DNAH2: variants seen among roughly 807,000 people sequenced by gnomAD.
The protein encoded by DNAH2 is axonemal beta dynein heavy chain 2.
A neutral mutation model predicts 523.5 loss-of-function variants in DNAH2; 323 were observed. The observed-to-expected ratio is 0.62, with a 90% CI of 0.56 to 0.68. The LOEUF (loss-of-function observed/expected upper bound fraction) is 0.68. Ranked by LOEUF, DNAH2 falls within the 30% of genes least tolerant of loss-of-function variation. The pLI, the probability that DNAH2 is intolerant of heterozygous loss-of-function variation, is 0.00. For missense variants in DNAH2, 4,907 were observed against 5,701.5 expected (o/e 0.86, Z 4.49); for synonymous variants, 2,093 against 2,177.4 (o/e 0.96, Z 1.08).
chr17:7,817,877 G>GC, intron 67 of DNAH2, 21 bp downstream of exon 67: 1 of 1,609,952 alleles, frequency 6.2e-7, no homozygotes, highest in Non-Finnish European at 8.5e-7. Context: ...GGGGGGTCAG[G>GC]TTAGCCCCCC....
chr17:7,760,985 G>A lies in DNAH2; in HGVS notation c.2978+53G>A. On this transcript the variant is annotated intron_variant, in intron 18 of 85. Transcript: ENST00000572933. The surrounding 1 kb of genome is among the most constrained non-coding windows in gnomAD (Gnocchi z 4.0). ...TGTCTGTAGGAGGCACAGCACTGCA[G>A]GAGGAGCCCAGGCCTAGAGTCTTGG... The A allele has an allele frequency of 6.3e-7, 1 of 1,598,484 alleles. No individual in the cohort carries two copies. Among genetic ancestry groups the A allele is most frequent in the Non-Finnish European group, 8.5e-7 (1 of 1,171,344 alleles).
intron 46 of DNAH2, 52 bp from the exon 47 acceptor site, chr17:7,792,605 T>G (rs940385352): frequency 1.4e-6 from 2 of 1,470,226 alleles, no homozygotes; most frequent in Non-Finnish European, 1.9e-6. Context: ...AAGTGGGAGT[T>G]GGAAAGGAGT....
chr17:7,759,092 T>C lies in DNAH2; in HGVS notation c.2416T>C (p.Ser806Pro). The change falls in exon 15 of 86, where the codon TCC (serine) becomes CCC (proline). Residue 806 changes from serine to proline, a missense_variant. By Grantham distance (74) the Ser-to-Pro change is moderately conservative. Transcript: ENST00000572933. ...GGATGTGGTGACCATCATGACCAAC[T>C]CCTATGAGGTCTTCAAGAATGATGG... ...HQDVVTIMTNSYEVFKNDGPE... is the reference protein window; with the variant it reads ...HQDVVTIMTNPYEVFKNDGPE... 6.2e-7 allele frequency: 1 copy of C among 1,614,070 alleles called. No individual in the cohort carries two copies. The highest frequency in any genetic ancestry group is 8.5e-7 in the Non-Finnish European group (1 of 1,180,004).
chr17:7,726,735 C>T (rs1405526686), intron 3 of DNAH2, among the ~76,000 whole-genome samples: 2 of 152,158 alleles, frequency 1.3e-5, no homozygotes, highest in Non-Finnish European at 2.9e-5. Flanking sequence ...TCTCCCTTTT[C>T]CAGCTTGTGG....
intron 72 of DNAH2, 99 bp downstream of exon 72, chr17:7,819,507 C>T (rs977343530): frequency 7.7e-7 from 1 of 1,302,452 alleles, no homozygotes; most frequent in Non-Finnish European, 1.1e-6. Context: ...CGGCTCTCAG[C>T]CTGCCGCTGT....
At chr17:7,809,764 G>T (rs181681200) in intron 63 of DNAH2, among the ~76,000 whole-genome samples, 1 of 150,158 alleles carries the variant, frequency 6.7e-6, no homozygotes, top group East Asian at 1.9e-4. Context: ...TAAGTGAAAA[G>T]AGAAAGCAGA....
At chr17:7,795,825 T>C (rs2077046176) in intron 49 of DNAH2, among the ~76,000 whole-genome samples, 1 of 147,766 alleles carries the variant, frequency 6.8e-6, no homozygotes, top group Non-Finnish European at 1.5e-5. Context: ...GGAGAAACCC[T>C]GTCTCTACTA....
At chr17:7,803,087 G>A (rs1157070107) in intron 58 of DNAH2, among the ~76,000 whole-genome samples, 3 of 152,190 alleles carry the variant, frequency 2.0e-5, no homozygotes, top group Non-Finnish European at 4.4e-5. Flanking sequence ...CACCCAAGCA[G>A]TTCTCCAGGG....
rs954536084 is a variant in DNAH2, at chr17:7,779,263, T to C, written c.5562T>C (p.Phe1854=). Residue 1854 remains phenylalanine (F), a synonymous_variant, in exon 36 of 86, where the codon TTT becomes TTC. Coordinates refer to ENST00000572933, the MANE Select transcript of DNAH2 (RefSeq NM_020877.5). ...CGCAGACTGGAGCTTGGGGCTGCTT[T>C]GATGAGTTTAACCGCATCAACATCG... ...GLAQTGAWGC[F]DEFNRINIEV... 1 of 1,614,020 alleles carries C rather than the reference T, an allele frequency of 6.2e-7. No homozygotes were observed. Among genetic ancestry groups the C allele is most frequent in the African/African-American group, 1.3e-5 (1 of 74,948 alleles).
intron 3 of DNAH2, among the ~76,000 whole-genome samples, chr17:7,725,794 G>C (rs1026800671): frequency 4.7e-5 from 7 of 150,090 alleles, no homozygotes; most frequent in Non-Finnish European, 8.9e-5. Flanking sequence ...TATCTATGCA[G>C]GTCCTTTTGT....
rs375931465 is a variant in DNAH2 at position 7,770,947 on chromosome 17, G to T, written c.4362+14G>T. ...ATGTACTTAGAGGTCAGGACTCAGC[G>T]CCTGAGCTCTTCCTGCTTCCTGCTC... On this transcript the variant is annotated intron_variant, in intron 27 of 85. Coordinates refer to ENST00000572933, the MANE Select transcript of DNAH2 (RefSeq NM_020877.5). 1 of 1,610,060 alleles carries T rather than the reference G, an allele frequency of 6.2e-7. No individual in the cohort carries two copies. Among genetic ancestry groups the T allele is most frequent in the Admixed American group, 1.7e-5 (1 of 59,588 alleles).
intron 18 of DNAH2, 90 bp from the exon 19 acceptor site, chr17:7,763,740 TG>T: frequency 6.7e-7 from 1 of 1,494,224 alleles, no homozygotes. Flanking sequence ...CAGGTTTGGG[TG>T]GAAGGAAATG....
intron 3 of DNAH2, 61 bp downstream of exon 3, chr17:7,723,750 C>A: frequency 6.9e-7 from 1 of 1,441,142 alleles, no homozygotes; most frequent in Non-Finnish European, 9.8e-7. Context: ...ATCAAAGGAT[C>A]AGTTGTGGAT....
In DNAH2 at chr17:7,797,447, T is replaced by C. The variant is rs374725245; in HGVS notation, c.7997T>C (p.Met2666Thr). ...LVDAADTEAFMGIISDKLGSF... is the reference protein window; with the variant it reads ...LVDAADTEAFTGIISDKLGSF... ...GATGCGGCAGACACAGAAGCCTTCA[T>C]GGGCATCATAAGCGACAAGCTCGGC... is the stretch of plus-strand genomic sequence containing the variant. Residue 2666 changes from methionine to threonine, a missense_variant, in exon 52 of 86, where the codon ATG becomes ACG. This residue lies in a region of DNAH2 where 250 missense variants were observed against 371.3 expected (regional missense o/e 0.67). Coordinates refer to ENST00000572933, the MANE Select transcript of DNAH2 (RefSeq NM_020877.5). The C allele has an allele frequency of 5.0e-6, 8 of 1,614,194 alleles. No individual in the cohort carries two copies. In the African/African-American group the frequency reaches 6.7e-5, roughly 13 times the overall value.
chr17:7,781,268 A>T, intron 39 of DNAH2, 101 bp downstream of exon 39: 2 of 1,344,758 alleles, frequency 1.5e-6, no homozygotes, highest in Non-Finnish European at 2.1e-6. Context: ...TGAGTCCAGG[A>T]GTTTGAGACT....
rs2075160220 is a variant in DNAH2 at position 7,736,947 on chromosome 17, A to G, written c.979-120A>G. On this transcript the variant is annotated intron_variant, in intron 7 of 85. Transcript: ENST00000572933. ...CAGTGAGCTGAGATCGCGCCATTGC[A>G]CTCCAGCCCGGGTGACAAGAGTAAA... The G allele has an allele frequency of 6.5e-6, 6 of 917,792 alleles. No homozygotes were observed. In the East Asian group the frequency reaches 1.3e-4, roughly 21 times the overall value. 56.9% of individuals were successfully genotyped at this position (917,792 alleles called of 1,614,324 possible). A position where few individuals can be genotyped will look rare whatever the true frequency, so the allele number is the denominator to read the frequency against.
In DNAH2 at chr17:7,832,599, A is replaced by T; in HGVS notation, c.12747A>T (p.Pro4249=). 1 of 1,614,162 alleles carries T rather than the reference A, an allele frequency of 6.2e-7. No homozygotes were observed. The highest frequency in any genetic ancestry group is 2.2e-5 in the East Asian group (1 of 44,888). ...LWGKAYPSQK[P]LAAWTRDLAM... ...CCCAGGCATACCCCTCACAAAAGCC[A>T]TTGGCTGCCTGGACCCGGGACTTGG... is the stretch of plus-strand genomic sequence containing the variant. Residue 4249 remains proline (P), a synonymous_variant, in exon 83 of 86, where the codon CCA becomes CCT. Coordinates refer to ENST00000572933, the MANE Select transcript of DNAH2 (RefSeq NM_020877.5). The surrounding 1 kb of genome is among the most constrained non-coding windows in gnomAD (Gnocchi z 4.3).
Position 7,741,012 on chromosome 17 carries a change from C to T in DNAH2, c.1689+20C>T. ...ATGACCGTAAGTGCCTGGCCTTCTC[C>T]ATATTCTGTCGTCAGTGAGACCGCC... On this transcript the variant is annotated intron_variant, in intron 11 of 85. Coordinates refer to ENST00000572933, the MANE Select transcript of DNAH2 (RefSeq NM_020877.5). 1 of 1,582,598 alleles carries T rather than the reference C, an allele frequency of 6.3e-7. No homozygotes were observed. Among genetic ancestry groups the T allele is most frequent in the Non-Finnish European group, 8.6e-7 (1 of 1,157,740 alleles).
At position 7,774,796 on chromosome 17, in the gene DNAH2, G is replaced by A. The variant is rs752956362; in HGVS notation, c.4539G>A (p.Leu1513=). The change falls in exon 29 of 86, where the codon CTG becomes CTA. Residue 1513 remains leucine (L), a synonymous_variant. Transcript: ENST00000572933. The part of the protein sequence containing the change: ...LDTLIEMNTI[L]EDIQKSLDMY... Reference sequence around the variant, plus strand: ...CATTGATAGAAATGAATACAATCCTGGAAGATATTCAGAAATCTCTGGATA... The same window carrying A: ...CATTGATAGAAATGAATACAATCCTAGAAGATATTCAGAAATCTCTGGATA... 6.2e-6 allele frequency: 10 copies of A among 1,614,168 alleles called. No individual in the cohort carries two copies. In the East Asian group the frequency reaches 2.2e-4, roughly 36 times the overall value.
Sources: gnomAD v4.1 joint callset for allele counts (sites outside exome capture counted in the v4.1 genomes callset) on GRCh38, gnomAD v4.1.1 for gene constraint, gnomAD v4.1.1 regional missense constraint, Gnocchi (gnomAD v3.1) non-coding constraint, MANE v1.5 for transcripts, NCBI Gene and HGNC (gene_info 2026-07-23, HGNC 2026-07-21) for gene names.